GSK3B: variants seen among roughly 807,000 people sequenced by gnomAD.
GSK3B encodes glycogen synthase kinase-3 beta.
GSK3B carries 15 observed loss-of-function variants against 56.4 expected under a neutral mutation model. The ratio of observed to expected loss-of-function variants is 0.27; its 90% CI spans 0.18 to 0.41. GSK3B has a LOEUF of 0.41. GSK3B is among the 10% of genes least tolerant of loss of function. GSK3B has a pLI of 1.00. For missense variants in GSK3B, 300 were observed against 513.4 expected (o/e 0.58, Z 4.02); for synonymous variants, 181 against 188.9 (o/e 0.96, Z 0.34).
At chr3:119,935,736 A>G (rs1033639947) in intron 3 of GSK3B, among the ~76,000 whole-genome samples, 1 of 152,202 alleles carries the variant, frequency 6.6e-6, no homozygotes, top group Non-Finnish European at 1.5e-5. Context: ...ATACTTCTCA[A>G]TGTCATTCTA....
At chr3:119,894,633 T>C (rs555194943) in intron 7 of GSK3B, among the ~76,000 whole-genome samples, 9 of 152,258 alleles carry the variant, frequency 5.9e-5, no homozygotes, top group African/African-American at 2.2e-4. Context: ...TAAGAATTCC[T>C]TACATACTGT....
intron 1 of GSK3B, among the ~76,000 whole-genome samples, chr3:120,073,798 T>G (rs1291244140): frequency 2.6e-5 from 4 of 152,172 alleles, no homozygotes; most frequent in Non-Finnish European, 4.4e-5. Context: ...ATAAATTCAA[T>G]TTGCCTTAGA....
At chr3:120,033,364 G>A (rs931373360) in intron 1 of GSK3B, among the ~76,000 whole-genome samples, 1 of 152,176 alleles carries the variant, frequency 6.6e-6, no homozygotes, top group Admixed American at 6.5e-5. Flanking sequence ...AGGTTATATG[G>A]TAACTCTATG....
intron 1 of GSK3B, among the ~76,000 whole-genome samples, chr3:120,041,717 G>A (rs1247217886): frequency 6.6e-6 from 1 of 152,190 alleles, no homozygotes; most frequent in Non-Finnish European, 1.5e-5. Flanking sequence ...CAAAGGTCCG[G>A]CCAAAGTTAG....
At position 119,825,114 on chromosome 3, in the gene GSK3B, G is replaced by A. The variant is rs745829372; in HGVS notation, c.*1674C>T. On this transcript the variant is annotated 3_prime_UTR_variant, in exon 11 of 11. Transcript: ENST00000264235. ...GAAGGAGCGGGTAGGAGGGAAAGGCGGCCATCACTCAAGTGATCTTTAAAT... is the reference window on the plus strand; with the variant it reads ...GAAGGAGCGGGTAGGAGGGAAAGGCAGCCATCACTCAAGTGATCTTTAAAT... The A allele has an allele frequency of 1.5e-4, 30 of 206,072 alleles. No homozygotes were observed. The highest frequency in any genetic ancestry group is 8.9e-4 in the Admixed American group (15 of 16,772). The allele number at this position is 206,072 out of a possible 1,614,324, so 12.8% of individuals were successfully genotyped here. A position where few individuals can be genotyped will look rare whatever the true frequency, so the allele number is the denominator to read the frequency against.
intron 10 of GSK3B, among the ~76,000 whole-genome samples, chr3:119,839,805 T>C (rs1269009204): frequency 1.3e-5 from 2 of 152,240 alleles, no homozygotes; most frequent in Non-Finnish European, 2.9e-5. Flanking sequence ...ATGTGCTCCA[T>C]TACACTGATT....
intron 7 of GSK3B, among the ~76,000 whole-genome samples, chr3:119,880,635 C>A (rs936825286): frequency 3.9e-5 from 6 of 152,106 alleles, no homozygotes; most frequent in Non-Finnish European, 5.9e-5. Flanking sequence ...AATAAACCGA[C>A]CTTTAACTGT....
chr3:119,828,470 T>C (rs554394415), intron 10 of GSK3B, among the ~76,000 whole-genome samples: 2 of 152,344 alleles, frequency 1.3e-5, no homozygotes, highest in South Asian at 2.1e-4. Context: ...AAGCCATCTC[T>C]CTAGAAGCCA....
intron 2 of GSK3B, among the ~76,000 whole-genome samples, chr3:119,967,233 ATGCC>A (rs1196359208): frequency 6.6e-6 from 1 of 152,052 alleles, no homozygotes; most frequent in Non-Finnish European, 1.5e-5. Context: ...GTGTGCCACC[ATGCC>A]TGGCTAATTT....
chr3:119,894,671 T>A (rs2056543003), intron 7 of GSK3B, among the ~76,000 whole-genome samples: 1 of 152,118 alleles, frequency 6.6e-6, no homozygotes, highest in South Asian at 2.1e-4. Flanking sequence ...CAGACATAAT[T>A]TGTAAAAATT....
chr3:119,958,218 A>C (rs2057234482), intron 2 of GSK3B, among the ~76,000 whole-genome samples: 1 of 152,048 alleles, frequency 6.6e-6, no homozygotes. Flanking sequence ...CATGACTGTA[A>C]ATTTCCTAAG....
intron 1 of GSK3B, among the ~76,000 whole-genome samples, chr3:120,035,499 T>A (rs547777413): frequency 1.3e-5 from 2 of 152,232 alleles, no homozygotes; most frequent in African/African-American, 4.8e-5. Flanking sequence ...CAAAGGGCAA[T>A]TGGAACTTTG....
chr3:119,951,841 G>A (rs910679884), intron 2 of GSK3B, among the ~76,000 whole-genome samples: 2 of 151,650 alleles, frequency 1.3e-5, no homozygotes, highest in African/African-American at 4.8e-5. Context: ...ACAACACAGA[G>A]AATCTCAATA....
At chr3:119,985,972 G>T (rs541550286) in intron 2 of GSK3B, among the ~76,000 whole-genome samples, 1 of 152,200 alleles carries the variant, frequency 6.6e-6, no homozygotes, top group Non-Finnish European at 1.5e-5. Context: ...GCATAGTACT[G>T]GTACCAAAAC....
At chr3:120,023,188 A>G (rs2057893898) in intron 1 of GSK3B, among the ~76,000 whole-genome samples, 1 of 151,584 alleles carries the variant, frequency 6.6e-6, no homozygotes, top group African/African-American at 2.4e-5. Flanking sequence ...AACCTGCAGA[A>G]GCATTGAACA....
chr3:119,839,865 T>C (rs2055747498), intron 10 of GSK3B, among the ~76,000 whole-genome samples: 2 of 152,216 alleles, frequency 1.3e-5, no homozygotes, highest in South Asian at 4.1e-4. Flanking sequence ...CATATTATAA[T>C]TAATTCGCCC....
In GSK3B at chr3:119,843,230, T is replaced by C. The variant is rs760491752; in HGVS notation, c.1195+25A>G. 6.7e-6 allele frequency: 10 copies of C among 1,488,234 alleles called. No homozygotes were observed. The East Asian group carries it at 7.0e-5, about 10-fold the overall frequency. 92.2% of individuals were successfully genotyped at this position (1,488,234 alleles called of 1,614,324 possible). A position where few individuals can be genotyped will look rare whatever the true frequency, so the allele number is the denominator to read the frequency against. Reference sequence around the variant, plus strand: ...ATGCCCAGCCCAGAATATGTTTTTATAGAAGAGACTTAGAACGTTCTTACC... The same window carrying C: ...ATGCCCAGCCCAGAATATGTTTTTACAGAAGAGACTTAGAACGTTCTTACC... On this transcript the variant is annotated intron_variant, in intron 10 of 10. Transcript: ENST00000264235.
chr3:119,985,411 A>T (rs2057506359), intron 2 of GSK3B, among the ~76,000 whole-genome samples: 1 of 152,222 alleles, frequency 6.6e-6, no homozygotes, highest in Non-Finnish European at 1.5e-5. Flanking sequence ...CTGTTTGCAG[A>T]TGACATGATT....
chr3:119,833,895 G>T (rs142330190), intron 10 of GSK3B, among the ~76,000 whole-genome samples: 1 of 151,402 alleles, frequency 6.6e-6, no homozygotes, highest in Admixed American at 6.6e-5. Context: ...ATGGGGTTTC[G>T]CCATGTTGGC....
Sources: allele counts gnomAD v4.1 joint callset (sites outside exome capture counted in the v4.1 genomes callset), GRCh38; gene constraint gnomAD v4.1.1; transcripts MANE v1.5; gene names NCBI Gene and HGNC (gene_info 2026-07-23, HGNC 2026-07-21).